Variants in COLEC12 observed in about 807,000 individuals in gnomAD.
The protein encoded by COLEC12 is collectin-12.
Under a neutral mutation model 71.1 loss-of-function variants are expected in COLEC12, and 33 were observed. The ratio of observed to expected loss-of-function variants is 0.46; its 90% CI spans 0.35 to 0.62. COLEC12 has a LOEUF of 0.62. COLEC12 is among the 20% of genes least tolerant of loss of function. COLEC12 has a pLI of 0.00. For synonymous variants in COLEC12, 350 were observed against 353.0 expected, an observed-to-expected ratio of 0.99 and a Z score of 0.10; for missense variants, 765 against 916.1, an observed-to-expected ratio of 0.84 and a Z score of 2.13.
At position 362,562 on chromosome 18, in the gene COLEC12, G is replaced by A. The variant is rs1914769422; in HGVS notation, c.59-5040C>T. Among the ~76,000 whole-genome samples the A allele has an allele frequency of 6.6e-6, 1 of 152,062 alleles. No individual in the cohort carries two copies. On this transcript the variant is annotated intron_variant, in intron 2 of 9. Transcript: ENST00000400256. The surrounding 1 kb of genome is among the most constrained non-coding windows in gnomAD (Gnocchi z 4.6). The stretch of plus-strand genomic sequence containing the variant: ...TTCTTAGCATTACTTTCCAGAGCCT[G>A]GGGACTTTGTTCCCATGGCGGGGTG...
Position 362,765 on chromosome 18 carries a change from G to A in COLEC12, c.59-5243C>T, listed in dbSNP as rs983340712. Among the ~76,000 whole-genome samples the A allele has an allele frequency of 1.3e-5, 2 of 152,190 alleles. No individual in the cohort carries two copies. The highest frequency in any genetic ancestry group is 4.8e-5 in the African/African-American group (2 of 41,438). On this transcript the variant is annotated intron_variant, in intron 2 of 9. Coordinates refer to ENST00000400256, the MANE Select transcript of COLEC12 (RefSeq NM_130386.3). This position sits in a 1 kb window ranked among gnomAD's most constrained non-coding sequence, Gnocchi z 4.6. ...GGCCTACAGGCAGCAAGGACCTGAAGGGTGCATGCCTTTCCGCTGCTTTTC... is the reference window on the plus strand; with the variant it reads ...GGCCTACAGGCAGCAAGGACCTGAAAGGTGCATGCCTTTCCGCTGCTTTTC...
chr18:382,486 T>C (rs985247035), intron 2 of COLEC12, among the ~76,000 whole-genome samples: 1 of 152,150 alleles, frequency 6.6e-6, no homozygotes. Flanking sequence ...AAAAACAGGA[T>C]TGAAAACGAC....
At chr18:393,833 A>G (rs1915513947) in intron 2 of COLEC12, among the ~76,000 whole-genome samples, 1 of 152,228 alleles carries the variant, frequency 6.6e-6, no homozygotes, top group Non-Finnish European at 1.5e-5. Flanking sequence ...CCTCAGTTCC[A>G]GATGCCTAAT....
At chr18:331,300 C>T (rs572788720) in intron 8 of COLEC12, among the ~76,000 whole-genome samples, 12 of 152,338 alleles carry the variant, frequency 7.9e-5, no homozygotes, top group East Asian at 3.9e-4. Context: ...CTTGGAAACA[C>T]GCCTGGGGCG....
rs1913622874 is a variant in COLEC12 at position 319,091 on chromosome 18, C to T, written c.*954G>A. ...GTGCCCTTCCCAACAGATGCCTCTCCATCCCCCACACCTCCCGACTCCACC... is the reference window on the plus strand; with the variant it reads ...GTGCCCTTCCCAACAGATGCCTCTCTATCCCCCACACCTCCCGACTCCACC... On this transcript the variant is annotated 3_prime_UTR_variant, in exon 10 of 10. Transcript: ENST00000400256. 6.6e-6 allele frequency: 1 copy of T among 151,942 alleles called. No individual in the cohort carries two copies. The highest frequency in any genetic ancestry group is 2.1e-4 in the South Asian group (1 of 4,828). The allele number at this position is 151,942 out of a possible 1,614,324, so 9.4% of individuals were successfully genotyped here.
intron 2 of COLEC12, among the ~76,000 whole-genome samples, chr18:476,871 T>C (rs947900937): frequency 6.6e-6 from 1 of 152,244 alleles, no homozygotes; most frequent in African/African-American, 2.4e-5. Context: ...TAGCTCTGCA[T>C]ACTGAGGCCA....
At position 347,267 on chromosome 18, in the gene COLEC12, G is replaced by T. The variant is rs555229244; in HGVS notation, c.355C>A (p.Arg119Ser). Residue 119 changes from arginine (R) to serine (S), a missense_variant, in exon 5 of 10, where the codon CGT becomes AGT. Physicochemically the swap from Arg to Ser is moderately radical, Grantham distance 110. Transcript: ENST00000400256. ...STFRSDILDLRQQLREITEKT... is the reference protein window; with the variant it reads ...STFRSDILDLSQQLREITEKT... Reference sequence around the variant, plus strand: ...TCTGTAATCTCACGAAGTTGCTGACGGAGATCTAGAATGTCTGATCTGAAG... The same window carrying T: ...TCTGTAATCTCACGAAGTTGCTGACTGAGATCTAGAATGTCTGATCTGAAG... 3 of 1,614,080 alleles carry T rather than the reference G, an allele frequency of 1.9e-6. No homozygotes were observed. The highest frequency in any genetic ancestry group is 2.5e-6 in the Non-Finnish European group (3 of 1,180,002).
chr18:358,306 T>C (rs1914671057), intron 2 of COLEC12, among the ~76,000 whole-genome samples: 1 of 152,226 alleles, frequency 6.6e-6, no homozygotes, highest in African/African-American at 2.4e-5. Context: ...ATGATTCAAA[T>C]GCATTCCATT....
chr18:471,724 A>G (rs759634532), intron 2 of COLEC12, among the ~76,000 whole-genome samples: 9 of 151,690 alleles, frequency 5.9e-5, no homozygotes, highest in Non-Finnish European at 1.0e-4. Context: ...ATATAATGAT[A>G]TTACATTATA....
At chr18:498,898 C>A (rs1917764873) in intron 1 of COLEC12, among the ~76,000 whole-genome samples, 1 of 152,176 alleles carries the variant, frequency 6.6e-6, no homozygotes, top group Non-Finnish European at 1.5e-5. Context: ...GGAAAAGTGT[C>A]TCAAGTGCAA....
At chr18:324,471 T>C (rs1913787909) in intron 8 of COLEC12, among the ~76,000 whole-genome samples, 1 of 149,820 alleles carries the variant, frequency 6.7e-6, no homozygotes, top group Non-Finnish European at 1.5e-5. Flanking sequence ...GACTGATTGC[T>C]CCAGTAAGCT....
At chr18:378,140 C>T (rs1411251207) in intron 2 of COLEC12, among the ~76,000 whole-genome samples, 3 of 152,148 alleles carry the variant, frequency 2.0e-5, no homozygotes, top group Non-Finnish European at 4.4e-5. Flanking sequence ...CCTGCCTGTG[C>T]CCCAACAGAG....
intron 2 of COLEC12, among the ~76,000 whole-genome samples, chr18:417,893 T>G (rs1916020032): frequency 6.6e-6 from 1 of 152,166 alleles, no homozygotes; most frequent in African/African-American, 2.4e-5. Context: ...GCTTGAAACT[T>G]TTGCCTTCCT....
At chr18:333,175 A>C in intron 6 of COLEC12, 32 bp from the exon 7 acceptor site, 1 of 1,566,406 alleles carries the variant, frequency 6.4e-7, no homozygotes, top group Non-Finnish European at 8.6e-7. Flanking sequence ...ACATTGATTA[A>C]AAGATCACAG....
intron 2 of COLEC12, among the ~76,000 whole-genome samples, chr18:397,560 A>T (rs1480623609): frequency 6.6e-6 from 1 of 152,020 alleles, no homozygotes; most frequent in Non-Finnish European, 1.5e-5. Context: ...TCTTTCTTGT[A>T]ATGGTGTCTG....
At chr18:363,343 T>C (rs1268618832) in intron 2 of COLEC12, among the ~76,000 whole-genome samples, 1 of 152,204 alleles carries the variant, frequency 6.6e-6, no homozygotes, top group Non-Finnish European at 1.5e-5. Context: ...CCTTGGTAGG[T>C]GGAGGCCGGC....
At chr18:395,901 C>G (rs1567895352) in intron 2 of COLEC12, among the ~76,000 whole-genome samples, 2 of 152,190 alleles carry the variant, frequency 1.3e-5, no homozygotes, top group African/African-American at 2.4e-5. Context: ...GTGCGTCTGA[C>G]TCATTTGGAA....
intron 2 of COLEC12, among the ~76,000 whole-genome samples, chr18:359,279 G>A (rs997627940): frequency 3.9e-5 from 6 of 152,106 alleles, no homozygotes; most frequent in Admixed American, 6.6e-5. Flanking sequence ...GGCAAACACC[G>A]CGAATTAGGA....
intron 2 of COLEC12, among the ~76,000 whole-genome samples, chr18:444,962 C>T (rs1452811794): frequency 6.6e-6 from 1 of 152,104 alleles, no homozygotes; most frequent in African/African-American, 2.4e-5. Context: ...TAAGCTATGT[C>T]TATTTATTAA....
Sources: gnomAD v4.1 joint callset for allele counts (sites outside exome capture counted in the v4.1 genomes callset) on GRCh38, gnomAD v4.1.1 for gene constraint, Gnocchi (gnomAD v3.1) non-coding constraint, MANE v1.5 for transcripts, NCBI Gene and HGNC (gene_info 2026-07-23, HGNC 2026-07-21) for gene names.